The following DAB1 variants were observed in gnomAD, a reference collection of about 807,000 sequenced individuals.
DAB1 encodes DAB adaptor protein 1, also known as disabled homolog 1.
Under a neutral mutation model 64.6 loss-of-function variants are expected in DAB1, and 15 were observed. The ratio of observed to expected loss-of-function variants is 0.23; its 90% CI spans 0.16 to 0.36. DAB1 has a LOEUF of 0.36. Among genes scored for constraint, DAB1 ranks in the 10% least tolerant of loss-of-function variants. The pLI, the probability that DAB1 is intolerant of heterozygous loss-of-function variation, is 1.00. For missense variants in DAB1, 596 were observed against 706.7 expected (o/e 0.84, Z 1.78); for synonymous variants, 235 against 251.9 (o/e 0.93, Z 0.64).
At chr1:57,575,865 T>C (rs537666793) in intron 7 of DAB1, among the ~76,000 whole-genome samples, 2 of 152,318 alleles carry the variant, frequency 1.3e-5, no homozygotes, top group East Asian at 1.9e-4. Flanking sequence ...GAAGTTGATA[T>C]ACTGATAATT....
chr1:58,355,397 G>A (rs778548451), intron 3 of DAB1, among the ~76,000 whole-genome samples: 2 of 152,188 alleles, frequency 1.3e-5, no homozygotes, highest in Non-Finnish European at 2.9e-5. Context: ...ATTTCTAGAT[G>A]GTTTATTGAG....
intron 1 of DAB1, among the ~76,000 whole-genome samples, chr1:57,851,650 T>C (rs767392105): frequency 6.6e-6 from 1 of 152,238 alleles, no homozygotes; most frequent in Non-Finnish European, 1.5e-5. Context: ...ATGTGACATT[T>C]TGCCTGCAAA....
At chr1:57,569,126 C>T (rs536396302) in intron 7 of DAB1, among the ~76,000 whole-genome samples, 16 of 149,878 alleles carry the variant, frequency 1.1e-4, no homozygotes, top group African/African-American at 2.4e-4. Flanking sequence ...GGCGAGATGG[C>T]GGGCGCCTGT....
chr1:58,306,912 A>G (rs1662321746), intron 4 of DAB1, among the ~76,000 whole-genome samples: 1 of 152,238 alleles, frequency 6.6e-6, no homozygotes, highest in Non-Finnish European at 1.5e-5. Context: ...GTCGAGGGAC[A>G]TAAATCCTAC....
At chr1:57,843,687 T>C (rs1653152970) in intron 1 of DAB1, among the ~76,000 whole-genome samples, 2 of 152,186 alleles carry the variant, frequency 1.3e-5, no homozygotes, top group African/African-American at 4.8e-5. Context: ...ACAGAAGGCT[T>C]TGGAGAAATA....
chr1:58,298,560 T>A (rs896906325), intron 4 of DAB1, among the ~76,000 whole-genome samples: 3 of 152,246 alleles, frequency 2.0e-5, no homozygotes, highest in Admixed American at 1.3e-4. Context: ...AGCAGCTCTG[T>A]CATCACTCCC....
At chr1:57,820,438 ATT>A (rs1652064859) in intron 6 of DAB1, among the ~76,000 whole-genome samples, 1 of 152,150 alleles carries the variant, frequency 6.6e-6, no homozygotes, top group Non-Finnish European at 1.5e-5. Context: ...AAAAAAAAAA[ATT>A]AAATCCAGAA....
chr1:57,842,340 T>C (rs1653091260), intron 1 of DAB1, among the ~76,000 whole-genome samples: 1 of 152,174 alleles, frequency 6.6e-6, no homozygotes, highest in Admixed American at 6.5e-5. Context: ...GTTCCAAACA[T>C]TCCCATATCT....
chr1:57,058,351 G>A (rs568812731), intron 9 of DAB1, among the ~76,000 whole-genome samples: 1 of 152,330 alleles, frequency 6.6e-6, no homozygotes, highest in African/African-American at 2.4e-5. Context: ...GCCCCAGAAG[G>A]AAAAAGAACT....
At chr1:58,365,203 T>C (rs573959414) in intron 3 of DAB1, among the ~76,000 whole-genome samples, 1 of 152,354 alleles carries the variant, frequency 6.6e-6, no homozygotes, top group South Asian at 2.1e-4. Flanking sequence ...ATTAGTGTTT[T>C]GTCTTCTGGA....
At chr1:58,369,333 C>T (rs901801087) in intron 3 of DAB1, among the ~76,000 whole-genome samples, 7 of 152,124 alleles carry the variant, frequency 4.6e-5, no homozygotes, top group Non-Finnish European at 1.0e-4. Context: ...AATACCATTG[C>T]TTTAATGGTA....
At chr1:57,110,539 A>T (rs1655560359) in intron 4 of DAB1, among the ~76,000 whole-genome samples, 1 of 152,226 alleles carries the variant, frequency 6.6e-6, no homozygotes, top group South Asian at 2.1e-4. Flanking sequence ...TACATCTATT[A>T]AAAACAATTC....
At chr1:58,110,452 G>T (rs1365762149) in intron 5 of DAB1, among the ~76,000 whole-genome samples, 1 of 152,156 alleles carries the variant, frequency 6.6e-6, no homozygotes, top group East Asian at 1.9e-4. Context: ...TATTTACTGA[G>T]CACCTAGCTT....
intron 2 of DAB1, among the ~76,000 whole-genome samples, chr1:57,191,705 C>T (rs79897725): frequency 0.03 from 4,550 of 152,168 alleles, 256 homozygotes; most frequent in African/African-American, 0.1. Flanking sequence ...TTGAACAAAA[C>T]GTTGGAGCAC....
At chr1:57,459,778 C>T (rs576122530) in intron 7 of DAB1, among the ~76,000 whole-genome samples, 1 of 152,188 alleles carries the variant, frequency 6.6e-6, no homozygotes, top group Non-Finnish European at 1.5e-5. Context: ...TGCCACTCTG[C>T]CCACATATCC....
intron 6 of DAB1, among the ~76,000 whole-genome samples, chr1:57,805,589 A>G (rs1237690537): frequency 6.6e-6 from 1 of 152,190 alleles, no homozygotes; most frequent in Non-Finnish European, 1.5e-5. Flanking sequence ...TCATTAACGT[A>G]TTGATGACTT....
At position 58,241,083 on chromosome 1, in the gene DAB1, G is replaced by A. The variant is rs974148406; in HGVS notation, n.310-90495C>T. Among the ~76,000 whole-genome samples, 11 of 152,164 alleles carry A rather than the reference G, an allele frequency of 7.2e-5. No homozygotes were observed. In the East Asian group the frequency reaches 1.9e-3, roughly 27 times the overall value. On this transcript the variant is annotated intron_variant and non_coding_transcript_variant, in intron 4 of 20. Transcript: ENST00000485760. ...TCTGGAGCTACTCATACATATAGGG[G>A]CAAATAATCTCATGTATCTAAATAG...
At chr1:58,092,814 A>G (rs1570343061) in intron 5 of DAB1, among the ~76,000 whole-genome samples, 1 of 152,126 alleles carries the variant, frequency 6.6e-6, no homozygotes. Context: ...ACCATCTCTC[A>G]TAGCCATCCA....
At chr1:57,694,997 T>C (rs997285267) in intron 6 of DAB1, among the ~76,000 whole-genome samples, 1 of 152,114 alleles carries the variant, frequency 6.6e-6, no homozygotes, top group Non-Finnish European at 1.5e-5. Context: ...AAAATTTCCA[T>C]TATCTCCTAA....
Sources: allele counts gnomAD v4.1 joint callset (sites outside exome capture counted in the v4.1 genomes callset), GRCh38; gene constraint gnomAD v4.1.1; transcripts MANE v1.5; gene names NCBI Gene and HGNC (gene_info 2026-07-23, HGNC 2026-07-21).